The following DOCK10 variants were observed in gnomAD, a reference collection of about 807,000 sequenced individuals.
DOCK10 encodes dedicator of cytokinesis protein 10.
In DOCK10, 145 loss-of-function variants were observed where a neutral mutation model predicts 280.1. The observed-to-expected ratio is 0.52, with a 90% confidence interval of 0.45 to 0.59. DOCK10 has a LOEUF of 0.59. Among genes scored for constraint, DOCK10 ranks in the 20% least tolerant of loss-of-function variants. The pLI is 0.00. For missense variants in DOCK10, 2,368 were observed against 2,651.7 expected, an observed-to-expected ratio of 0.89 and a Z score of 2.35; for synonymous variants, 915 against 942.2, an observed-to-expected ratio of 0.97 and a Z score of 0.53.
chr2:225,024,653 G>A (rs1303260828), intron 1 of DOCK10, among the ~76,000 whole-genome samples: 3 of 152,038 alleles, frequency 2.0e-5, no homozygotes, highest in African/African-American at 7.2e-5. Context: ...ACTTTGGGAG[G>A]CCGAGGTGGG....
chr2:224,889,509 G>T (rs1410511467), intron 4 of DOCK10, among the ~76,000 whole-genome samples: 2 of 152,194 alleles, frequency 1.3e-5, no homozygotes, highest in Admixed American at 6.5e-5. Flanking sequence ...TTTAGGAAAG[G>T]TGAATCTTTA....
intron 1 of DOCK10, among the ~76,000 whole-genome samples, chr2:224,935,063 A>T (rs1402875791): frequency 1.3e-5 from 2 of 152,162 alleles, no homozygotes; most frequent in East Asian, 3.9e-4. Flanking sequence ...ACTTCACAGC[A>T]GAAGAATGGG....
chr2:224,929,327 C>G (rs1051981018), intron 2 of DOCK10, among the ~76,000 whole-genome samples: 1 of 152,144 alleles, frequency 6.6e-6, no homozygotes, highest in Non-Finnish European at 1.5e-5. Flanking sequence ...TCAAATAATG[C>G]CCAGTATTCA....
At chr2:224,949,335 A>C (rs1559844914) in intron 1 of DOCK10, among the ~76,000 whole-genome samples, 1 of 152,236 alleles carries the variant, frequency 6.6e-6, no homozygotes, top group Non-Finnish European at 1.5e-5. Context: ...GCAATCAGAG[A>C]TTTGTTGGCT....
intron 1 of DOCK10, among the ~76,000 whole-genome samples, chr2:224,977,912 G>A (rs1705529061): frequency 6.6e-6 from 1 of 152,308 alleles, no homozygotes; most frequent in Middle Eastern, 3.4e-3. Context: ...ATGAAGTTTT[G>A]AATGCCAAAG....
At chr2:224,857,741 G>A (rs1697238200) in intron 14 of DOCK10, among the ~76,000 whole-genome samples, 1 of 151,146 alleles carries the variant, frequency 6.6e-6, no homozygotes, top group Admixed American at 6.6e-5. Flanking sequence ...ACAATGTGTG[G>A]TCAAAAAAAA....
intron 50 of DOCK10, 125 bp from the exon 51 acceptor site, chr2:224,778,409 C>T (rs1691030517): frequency 1.1e-6 from 1 of 897,844 alleles, no homozygotes; most frequent in African/African-American, 1.6e-5. Context: ...CATTGGTTAA[C>T]ACCCTATAAA....
intron 20 of DOCK10, 29 bp from the exon 21 acceptor site, chr2:224,845,353 C>A (rs1416789957): frequency 1.3e-6 from 2 of 1,580,248 alleles, no homozygotes; most frequent in Non-Finnish European, 1.7e-6. Context: ...AACAAAAATT[C>A]TGAGTACAAA....
chr2:224,876,236 G>A lies in DOCK10; in HGVS notation c.748-15C>T. The A allele has an allele frequency of 1.3e-6, 2 of 1,561,164 alleles. No homozygotes were observed. On this transcript the variant is annotated splice_polypyrimidine_tract_variant and intron_variant, in intron 7 of 55. Transcript: ENST00000258390. ...AGTCTGTTATTCTGTGGTATAAAAAGAAAGAAAGAAAAAGAGAATACCAAA... is the reference window on the plus strand; with the variant it reads ...AGTCTGTTATTCTGTGGTATAAAAAAAAAGAAAGAAAAAGAGAATACCAAA...
At chr2:224,981,939 G>A (rs1705767564) in intron 1 of DOCK10, among the ~76,000 whole-genome samples, 1 of 152,118 alleles carries the variant, frequency 6.6e-6, no homozygotes, top group South Asian at 2.1e-4. Flanking sequence ...TGCACAAAAG[G>A]TAATAACAAC....
At position 224,847,134 on chromosome 2, in the gene DOCK10, A is replaced by C. The variant is rs1163866861; in HGVS notation, c.2236-1492T>G. Among the ~76,000 whole-genome samples, 5 of 152,356 alleles carry C rather than the reference A, an allele frequency of 3.3e-5. No individual in the cohort carries two copies. In the South Asian group the frequency reaches 1.0e-3, roughly 32 times the overall value. ...AAAATAAAAATGGATCTAGGTAAAC[A>C]ATATACTGAATGAAGGGCATACTCC... On this transcript the variant is annotated intron_variant, in intron 19 of 55. Coordinates refer to ENST00000258390, the MANE Select transcript of DOCK10 (RefSeq NM_014689.3).
intron 1 of DOCK10, among the ~76,000 whole-genome samples, chr2:224,957,927 G>T (rs1704146983): frequency 6.6e-6 from 1 of 152,180 alleles, no homozygotes; most frequent in African/African-American, 2.4e-5. Context: ...AAGGCCCAAG[G>T]AATTGGGGAT....
chr2:225,034,463 G>A (rs1314332006), intron 1 of DOCK10, among the ~76,000 whole-genome samples: 3 of 152,226 alleles, frequency 2.0e-5, no homozygotes, highest in African/African-American at 7.2e-5. Flanking sequence ...CATTTCCAAT[G>A]CTTGCCAAGA....
Position 224,950,492 on chromosome 2 carries a change from C to T in DOCK10, c.124-18824G>A, listed in dbSNP as rs555274084. Among the ~76,000 whole-genome samples the T allele has an allele frequency of 2.0e-5, 3 of 152,204 alleles. No individual in the cohort carries two copies. In the South Asian group the frequency reaches 6.2e-4, roughly 32 times the overall value. On this transcript the variant is annotated intron_variant, in intron 1 of 55. Coordinates refer to ENST00000258390, the MANE Select transcript of DOCK10 (RefSeq NM_014689.3). ...TCAGTAGCAGAGCTGGGATGTAAGT[C>T]CAGGGGGTCCAGCTACTGAGCCCAC...
intron 1 of DOCK10, among the ~76,000 whole-genome samples, chr2:224,967,728 T>C (rs910197810): frequency 5.3e-5 from 8 of 151,762 alleles, no homozygotes; most frequent in African/African-American, 9.7e-5. Context: ...GAAATCCATA[T>C]TGTAAAAAAA....
intron 1 of DOCK10, among the ~76,000 whole-genome samples, chr2:224,935,058 A>C (rs766229757): frequency 2.0e-5 from 3 of 152,126 alleles, no homozygotes; most frequent in Admixed American, 1.3e-4. Flanking sequence ...AATCAACTTC[A>C]CAGCAGAAGA....
At chr2:224,888,219 C>CTG (rs113299591) in intron 4 of DOCK10, among the ~76,000 whole-genome samples, 11,843 of 140,014 alleles carry the variant, frequency 0.085, 632 homozygotes, top group African/African-American at 0.18. Flanking sequence ...TAATATAGGC[C>CTG]TGTGTGTGTG....
intron 50 of DOCK10, among the ~76,000 whole-genome samples, chr2:224,781,002 T>C (rs995028212): frequency 6.6e-6 from 1 of 152,108 alleles, no homozygotes. Flanking sequence ...AGCAACCTAC[T>C]TACTGGGAGG....
intron 26 of DOCK10, among the ~76,000 whole-genome samples, chr2:224,831,544 CA>C (rs1346928806): frequency 6.6e-6 from 1 of 152,186 alleles, no homozygotes; most frequent in Non-Finnish European, 1.5e-5. Flanking sequence ...AACAAAGCTT[CA>C]AAACTTATGT....
Sources: gnomAD v4.1 joint callset for allele counts (sites outside exome capture counted in the v4.1 genomes callset) on GRCh38, gnomAD v4.1.1 for gene constraint, MANE v1.5 for transcripts, NCBI Gene and HGNC (gene_info 2026-07-23, HGNC 2026-07-21) for gene names.